The following EVC variants were observed in gnomAD, a reference collection of about 807,000 sequenced individuals.
EVC encodes EvC ciliary complex subunit 1.
Under a neutral mutation model 118.9 loss-of-function variants are expected in EVC, and 116 were observed. The observed-to-expected ratio is 0.98, with a 90% CI of 0.84 to 1.14. The LOEUF (loss-of-function observed/expected upper bound fraction) is 1.14. Among genes scored for constraint, EVC ranks in the 50% most tolerant of loss-of-function variants. The pLI is 0.00. For missense variants in EVC, 1,401 were observed against 1,246.4 expected, an observed-to-expected ratio of 1.12 and a Z score of -1.87; for synonymous variants, 619 against 534.7, an observed-to-expected ratio of 1.16 and a Z score of -2.18.
intron 12 of EVC, among the ~76,000 whole-genome samples, chr4:5,786,081 T>G (rs1367145740): frequency 1.3e-5 from 2 of 152,240 alleles, no homozygotes; most frequent in Non-Finnish European, 2.9e-5. Context: ...TAATGGGCTG[T>G]GTGACTTTAG....
In EVC at chr4:5,752,975, T is replaced by A. The variant is rs1286728209; in HGVS notation, c.1238T>A (p.Leu413Gln). Residue 413 changes from leucine (L) to glutamine (Q), a missense_variant, in exon 9 of 21, where the codon CTG becomes CAG. By Grantham distance (113) the Leu-to-Gln change is moderately radical (BLOSUM62 -2). Coordinates refer to ENST00000264956, the MANE Select transcript of EVC (RefSeq NM_153717.3). ...GAGCTGCTGGCTGGTGAGGGGAAGC[T>A]GTCCGGGCGGCAGAAGGAGGAGCTG... ...GLELLAGEGKLSGRQKEELLT... is the reference protein window; with the variant it reads ...GLELLAGEGKQSGRQKEELLT... 1 of 1,613,834 alleles carries A rather than the reference T, an allele frequency of 6.2e-7. No homozygotes were observed.
rs1716937265 is a variant in EVC at position 5,811,759 on chromosome 4, A to AG, written c.*726dup. On this transcript the variant is annotated 3_prime_UTR_variant, in exon 21 of 21. Transcript: ENST00000264956. The stretch of plus-strand genomic sequence containing the variant: ...ACCAGCCCCTCATACCACAGCCAAG[A>AG]GGGGCCTTTCTCACCTGGAGAGAAA... 1 of 149,426 alleles carries AG rather than the reference A, an allele frequency of 6.7e-6. No homozygotes were observed. Among genetic ancestry groups the AG allele is most frequent in the Admixed American group, 6.7e-5 (1 of 14,978 alleles). The allele number at this position is 149,426 out of a possible 1,614,324, so 9.3% of individuals were successfully genotyped here. A position where few individuals can be genotyped will look rare whatever the true frequency, so the allele number is the denominator to read the frequency against.
At chr4:5,759,793 T>C (rs560274494) in intron 11 of EVC, among the ~76,000 whole-genome samples, 3 of 152,336 alleles carry the variant, frequency 2.0e-5, no homozygotes, top group African/African-American at 7.2e-5. Flanking sequence ...AAGTTTATTT[T>C]GCCAAGGTTG....
rs752247007 is a variant in EVC at position 5,808,332 on chromosome 4, A to C, written c.2688+5A>C. 2 of 1,614,074 alleles carry C rather than the reference A, an allele frequency of 1.2e-6. No homozygotes were observed. The highest frequency in any genetic ancestry group is 3.3e-5 in the Admixed American group (2 of 59,994). On this transcript the variant is annotated splice_donor_5th_base_variant and intron_variant, in intron 18 of 20. Transcript: ENST00000264956. ...CAGCTGGAGACCCAGCTACAGGTAC[A>C]AGTTACAGAACTGGACCTTCCAAAA...
Position 5,783,680 on chromosome 4 carries a change from C to T in EVC, c.1692C>T (p.Asn564=), listed in dbSNP as rs138242443. The change falls in exon 12 of 21, where the codon AAC becomes AAT. Residue 564 remains asparagine, a synonymous_variant. Coordinates refer to ENST00000264956, the MANE Select transcript of EVC (RefSeq NM_153717.3). ...CDYLRQEVQE[N]AAWQLGKSNR... ...ACTTGAGGCAGGAAGTCCAGGAGAA[C>T]GCTGCCTGGCAGCTGGGGAAGTCAA... 68 of 1,613,894 alleles carry T rather than the reference C, an allele frequency of 4.2e-5. No individual in the cohort carries two copies. Among genetic ancestry groups the T allele is most frequent in the African/African-American group, 1.1e-4 (8 of 74,914 alleles).
At chr4:5,733,853 C>T (rs1208615781) in intron 5 of EVC, among the ~76,000 whole-genome samples, 2 of 152,106 alleles carry the variant, frequency 1.3e-5, no homozygotes. Flanking sequence ...TCAGCACAAC[C>T]CAGAGGGGCG....
intron 8 of EVC, among the ~76,000 whole-genome samples, chr4:5,750,975 T>C (rs1730263143): frequency 6.6e-6 from 1 of 152,064 alleles, no homozygotes; most frequent in African/African-American, 2.4e-5. Flanking sequence ...GAAATGTGCA[T>C]CTGTAAATAT....
rs189011254 is a variant in EVC, at chr4:5,750,272, A to G, written c.1098+1966A>G. On this transcript the variant is annotated intron_variant, in intron 8 of 20. Coordinates refer to ENST00000264956, the MANE Select transcript of EVC (RefSeq NM_153717.3). ...CTCATTAATGCTCTGCAAAGGTGAA[A>G]GACTTTTCTTCCTATATTTTTTTCT... Among the ~76,000 whole-genome samples, 454 of 152,288 alleles carry G rather than the reference A, an allele frequency of 3.0e-3. 1 individual carries two copies. The highest frequency in any genetic ancestry group is 3.8e-3 in the Non-Finnish European group (257 of 68,032).
intron 3 of EVC, among the ~76,000 whole-genome samples, chr4:5,729,753 G>T (rs1378952557): frequency 5.9e-5 from 9 of 152,202 alleles, no homozygotes; most frequent in African/African-American, 1.9e-4. Flanking sequence ...GAACACTTAT[G>T]TGGACAGGGC....
At chr4:5,816,141 T>C (rs1006613400), downstream of EVC, among the ~76,000 whole-genome samples, 1 of 152,102 alleles carries the variant, frequency 6.6e-6, no homozygotes, top group Non-Finnish European at 1.5e-5. Flanking sequence ...GGGGATCTGT[T>C]TTTTCCCCAC....
intron 17 of EVC, 41 bp from the exon 18 acceptor site, chr4:5,808,160 T>G (rs1210518143): frequency 1.3e-5 from 6 of 463,302 alleles, no homozygotes; most frequent in East Asian, 1.1e-4. Context: ...CCTCCCTCCC[T>G]TCCTTCCTCC....
Position 5,731,521 on chromosome 4 carries a change from C to T in EVC, c.481C>T (p.Leu161=), listed in dbSNP as rs757677978. Residue 161 remains leucine, a synonymous_variant, in exon 4 of 21, where the codon CTG becomes TTG. Transcript: ENST00000264956. This position sits in a 1 kb window ranked among gnomAD's most constrained non-coding sequence, Gnocchi z 5.6. ...QPVEASPSSS[L]GSLSQGEKDD... ...GGTAGAGGCCTCTCCTTCCAGCAGT[C>T]TGGGGAGCCTGAGCCAGGGTGAGAA... The T allele has an allele frequency of 6.2e-7, 1 of 1,614,140 alleles. No homozygotes were observed. Among genetic ancestry groups the T allele is most frequent in the Admixed American group, 1.7e-5 (1 of 60,026 alleles).
chr4:5,715,667 A>T (rs1464028697), intron 1 of EVC, among the ~76,000 whole-genome samples: 1 of 151,630 alleles, frequency 6.6e-6, no homozygotes, highest in African/African-American at 2.4e-5. Context: ...TTCTATCTTT[A>T]TACTTAATTT....
At chr4:5,779,593 C>T (rs1735272597) in intron 11 of EVC, among the ~76,000 whole-genome samples, 1 of 112,126 alleles carries the variant, frequency 8.9e-6, no homozygotes, top group Admixed American at 9.6e-5. Flanking sequence ...ATTTTATTCT[C>T]TTTGAAGCAG....
intron 18 of EVC, among the ~76,000 whole-genome samples, chr4:5,809,232 T>G (rs1239813119): frequency 1.3e-5 from 2 of 152,216 alleles, no homozygotes. Context: ...CTGCTGCACC[T>G]GCTCCGGGCA....
At chr4:5,772,022 C>T (rs1577517394) in intron 11 of EVC, among the ~76,000 whole-genome samples, 2 of 151,950 alleles carry the variant, frequency 1.3e-5, no homozygotes, top group African/African-American at 2.4e-5. Context: ...CTCAGCCTCC[C>T]GGGTAGCTGG....
chr4:5,825,786 ACAC>A, the EVC span: 6 of 861,418 alleles, frequency 7.0e-6, no homozygotes, highest in African/African-American at 3.5e-5. This position sits in a 1 kb window ranked among gnomAD's most constrained non-coding sequence, Gnocchi z 4.4. Flanking sequence ...GCACACACAC[ACAC>A]AACACGCACA....
At chr4:5,782,535 TGAA>T (rs1735774255) in intron 11 of EVC, among the ~76,000 whole-genome samples, 1 of 17,842 alleles carries the variant, frequency 5.6e-5, no homozygotes, top group Non-Finnish European at 1.1e-4. Flanking sequence ...ATGTTTTAAA[TGAA>T]AAAAAAAAAA....
intron 16 of EVC, 140 bp from the exon 17 acceptor site, chr4:5,804,590 C>T: frequency 2.7e-6 from 2 of 734,830 alleles, no homozygotes; most frequent in Non-Finnish European, 4.9e-6. Flanking sequence ...CACACAATGC[C>T]CTGTCCCTGT....
Sources: allele counts gnomAD v4.1 joint callset (sites outside exome capture counted in the v4.1 genomes callset), GRCh38; gene constraint gnomAD v4.1.1; non-coding constraint Gnocchi (gnomAD v3.1); transcripts MANE v1.5; gene names NCBI Gene and HGNC (gene_info 2026-07-23, HGNC 2026-07-21).